The following ARHGEF7 variants were observed in gnomAD, a reference collection of about 807,000 sequenced individuals.
The protein encoded by ARHGEF7 is PAK-interacting exchange factor beta.
In ARHGEF7, 33 loss-of-function variants were observed where a neutral mutation model predicts 109.8. The ratio of observed to expected loss-of-function variants is 0.30; its 90% CI spans 0.23 to 0.40. The LOEUF (loss-of-function observed/expected upper bound fraction) is 0.40, where lower values mean the gene tolerates loss of function less well. ARHGEF7 is among the 10% of genes least tolerant of loss of function. The probability of loss-of-function intolerance (pLI) is 1.00; values close to 1 mark genes in which losing one functional copy is unlikely to be tolerated. For synonymous variants in ARHGEF7, 458 were observed against 424.6 expected (o/e 1.08, Z -0.97); for missense variants, 938 against 1,098.5 (o/e 0.85, Z 2.07).
Position 111,269,504 on chromosome 13 carries a change from C to T in ARHGEF7, c.1073+1834C>T, listed in dbSNP as rs12855047. 7.2e-5 allele frequency among the ~76,000 whole-genome samples: 11 copies of T among 152,272 alleles called. 1 individual carries two copies. The highest frequency in any genetic ancestry group is 2.1e-4 in the South Asian group (1 of 4,822). On this transcript the variant is annotated intron_variant, in intron 9 of 21. Transcript: ENST00000646102. ...AGTGTGTTTGTCAGGTCTTAATGTA[C>T]GTGTAGCATTTTCCTGAAGTAACTA... is the stretch of plus-strand genomic sequence containing the variant.
At chr13:111,230,752 G>A (rs2153522489) in intron 5 of ARHGEF7, among the ~76,000 whole-genome samples, 1 of 152,342 alleles carries the variant, frequency 6.6e-6, no homozygotes, top group South Asian at 2.1e-4. Flanking sequence ...CGAACCACAG[G>A]GTGTTCTGGG....
intron 19 of ARHGEF7, chr13:111,294,120 C>T (rs989692898): frequency 9.1e-6 from 9 of 985,238 alleles, no homozygotes; most frequent in African/African-American, 3.5e-5. Context: ...TGTTAATCTC[C>T]GGCAGAGATG....
intron 9 of ARHGEF7, among the ~76,000 whole-genome samples, chr13:111,271,314 C>T (rs931352492): frequency 2.6e-5 from 4 of 152,168 alleles, no homozygotes; most frequent in African/African-American, 7.2e-5. Context: ...GGAGTCTGTC[C>T]TGGACCCTCC....
At chr13:111,167,109 G>A (rs1372640671) in intron 2 of ARHGEF7, among the ~76,000 whole-genome samples, 5 of 152,154 alleles carry the variant, frequency 3.3e-5, no homozygotes, top group African/African-American at 4.8e-5. Context: ...CTTGGGTCAG[G>A]TGTATCCACA....
In ARHGEF7 at chr13:111,301,623, T is replaced by C; in HGVS notation, c.2466+91T>C. On this transcript the variant is annotated intron_variant, in intron 21 of 21. Coordinates refer to ENST00000646102, the MANE Select transcript of ARHGEF7 (RefSeq NM_001354046.2). ...TTAAAAATAAGCTGGCTGGGTACGG[T>C]GGCTCACACCTATAATCCCAGCACT... 2.8e-6 allele frequency: 3 copies of C among 1,079,220 alleles called. No individual in the cohort carries two copies. The South Asian group carries it at 4.2e-5, about 15-fold the overall frequency. 66.9% of individuals were successfully genotyped at this position (1,079,220 alleles called of 1,614,324 possible). A position where few individuals can be genotyped will look rare whatever the true frequency, so the allele number is the denominator to read the frequency against.
chr13:111,177,735 G>A (rs548742166), intron 2 of ARHGEF7, among the ~76,000 whole-genome samples: 65 of 152,288 alleles, frequency 4.3e-4, no homozygotes, highest in African/African-American at 1.5e-3. Context: ...GTCTTTCTGG[G>A]TATGAAATAT....
At chr13:111,285,746 T>G (rs997394186) in intron 16 of ARHGEF7, among the ~76,000 whole-genome samples, 63 of 152,150 alleles carry the variant, frequency 4.1e-4, no homozygotes, top group African/African-American at 1.5e-3. Flanking sequence ...CTCCTCTCTT[T>G]CCAGTTAGCT....
At chr13:111,197,925 C>G (rs1368687118) in intron 2 of ARHGEF7, among the ~76,000 whole-genome samples, 1 of 152,056 alleles carries the variant, frequency 6.6e-6, no homozygotes, top group African/African-American at 2.4e-5. Context: ...ACCCAGGAGG[C>G]AAGGGTCAGG....
chr13:111,245,691 G>C (rs992961789), intron 8 of ARHGEF7, among the ~76,000 whole-genome samples: 1 of 152,170 alleles, frequency 6.6e-6, no homozygotes, highest in African/African-American at 2.4e-5. Context: ...CTGTGTGTTT[G>C]TTAGCAGTTC....
chr13:111,228,142 CAA>C lies in ARHGEF7; in HGVS notation c.671-5058_671-5057del, dbSNP rs2085477270. ...GTGCTCTCTGCTCTCTACTGGCATCCAAAAAAGAGGAGGGGGCGCTTTTATAG... is the reference window on the plus strand; with the variant it reads ...GTGCTCTCTGCTCTCTACTGGCATCCAAAAGAGGAGGGGGCGCTTTTATAG... On this transcript the variant is annotated intron_variant, in intron 5 of 21. Transcript: ENST00000646102. The surrounding 1 kb of genome is among the most constrained non-coding windows in gnomAD (Gnocchi z 4.6). Among the ~76,000 whole-genome samples, 1 of 152,074 alleles carries C rather than the reference CAA, an allele frequency of 6.6e-6. No homozygotes were observed. The highest frequency in any genetic ancestry group is 1.5e-5 in the Non-Finnish European group (1 of 68,000).
In ARHGEF7 at chr13:111,115,454, G is replaced by GCGGCGC; in HGVS notation, c.-73_-72insCGGCGC. The GCGGCGC allele has an allele frequency of 1.0e-6, 1 of 988,522 alleles. No homozygotes were observed. The highest frequency in any genetic ancestry group is 1.2e-6 in the Non-Finnish European group (1 of 832,394). 61.2% of individuals were successfully genotyped at this position (988,522 alleles called of 1,614,324 possible). On this transcript the variant is annotated 5_prime_UTR_variant, in exon 1 of 22. Coordinates refer to ENST00000646102, the MANE Select transcript of ARHGEF7 (RefSeq NM_001354046.2). Reference sequence around the variant, plus strand: ...GGGCGAGGCGGCGGCGGCGGCGGCGGGGGCCGCGGGCCGGGCCGCCGCTCC... The same window carrying GCGGCGC: ...GGGCGAGGCGGCGGCGGCGGCGGCGGCGGCGCGGGCCGCGGGCCGGGCCGCCGCTCC...
chr13:111,221,178 GATATATATGTCTATATA>G (rs2083828784), intron 5 of ARHGEF7, among the ~76,000 whole-genome samples: 1 of 95,824 alleles, frequency 1.0e-5, no homozygotes, highest in Non-Finnish European at 2.0e-5. Context: ...TATCTATATA[GATATATATGTCTATATA>G]TATCTATATA....
intron 19 of ARHGEF7, chr13:111,295,201 C>T (rs2093400546): frequency 1.0e-6 from 1 of 985,522 alleles, no homozygotes; most frequent in Non-Finnish European, 1.2e-6. Context: ...TAGCCCGTGG[C>T]TTTTAATATT....
intron 9 of ARHGEF7, among the ~76,000 whole-genome samples, chr13:111,270,974 A>G (rs923632779): frequency 6.6e-6 from 1 of 152,332 alleles, no homozygotes; most frequent in Admixed American, 6.5e-5. Context: ...TGTGCGGAAC[A>G]GGCTGCCCGT....
At chr13:111,119,892 G>C (rs1258082868) in intron 1 of ARHGEF7, among the ~76,000 whole-genome samples, 1 of 152,142 alleles carries the variant, frequency 6.6e-6, no homozygotes, top group African/African-American at 2.4e-5. Flanking sequence ...GATCACATGT[G>C]GTGGTAGGGT....
At chr13:111,300,995 C>G in intron 20 of ARHGEF7, 148 bp downstream of exon 20, 5 of 505,460 alleles carry the variant, frequency 9.9e-6, no homozygotes, top group Non-Finnish European at 1.7e-5. Context: ...GTCACCCAGG[C>G]TGGAGTGCAA....
chr13:111,128,276 A>G (rs775285975), intron 1 of ARHGEF7, among the ~76,000 whole-genome samples: 2 of 152,264 alleles, frequency 1.3e-5, no homozygotes, highest in Non-Finnish European at 2.9e-5. Flanking sequence ...AGCTGTCTTT[A>G]TGTGTAGACT....
rs1442963135 is a variant in ARHGEF7 at position 111,273,198 on chromosome 13, C to T, written c.1074-616C>T. ...CATTCGCTGTCTGCACACAGGGACC[C>T]CTTTCTTCCTCACGTATTGTGAGGA... On this transcript the variant is annotated intron_variant, in intron 9 of 21. Coordinates refer to ENST00000646102, the MANE Select transcript of ARHGEF7 (RefSeq NM_001354046.2). The surrounding 1 kb of genome is among the most constrained non-coding windows in gnomAD (Gnocchi z 4.5). 6.6e-6 allele frequency among the ~76,000 whole-genome samples: 1 copy of T among 152,202 alleles called. No homozygotes were observed. Among genetic ancestry groups the T allele is most frequent in the Non-Finnish European group, 1.5e-5 (1 of 68,028 alleles).
intron 2 of ARHGEF7, among the ~76,000 whole-genome samples, chr13:111,158,522 C>A (rs1159146923): frequency 6.6e-6 from 1 of 152,240 alleles, no homozygotes; most frequent in African/African-American, 2.4e-5. Flanking sequence ...TTCACAGTTG[C>A]TGTTCATTTA....
Sources: gnomAD v4.1 joint callset for allele counts (sites outside exome capture counted in the v4.1 genomes callset) on GRCh38, gnomAD v4.1.1 for gene constraint, Gnocchi (gnomAD v3.1) non-coding constraint, MANE v1.5 for transcripts, NCBI Gene and HGNC (gene_info 2026-07-23, HGNC 2026-07-21) for gene names.